NEDD4L: variants seen among roughly 807,000 people sequenced by gnomAD.
The protein encoded by NEDD4L is E3 ubiquitin-protein ligase NEDD4-like.
NEDD4L carries 54 observed loss-of-function variants against 148.9 expected under a neutral mutation model. The ratio of observed to expected loss-of-function variants is 0.36; its 90% CI spans 0.29 to 0.45. The LOEUF is 0.45. NEDD4L is among the 20% of genes least tolerant of loss of function. NEDD4L has a pLI of 1.00. For missense variants in NEDD4L, 856 were observed against 1,233.8 expected (o/e 0.69, Z 4.59); for synonymous variants, 433 against 440.7 (o/e 0.98, Z 0.22).
intron 2 of NEDD4L, among the ~76,000 whole-genome samples, chr18:58,199,316 G>T (rs2041124556): frequency 6.6e-6 from 1 of 152,104 alleles, no homozygotes; most frequent in Admixed American, 6.5e-5. Flanking sequence ...TCCCACAAGG[G>T]ACATTTGACA....
chr18:58,133,807 A>T (rs145210727), intron 1 of NEDD4L, among the ~76,000 whole-genome samples: 55 of 152,230 alleles, frequency 3.6e-4, no homozygotes, highest in African/African-American at 1.3e-3. Context: ...GGCTTGGCAA[A>T]TGGTAGATGC....
intron 2 of NEDD4L, among the ~76,000 whole-genome samples, chr18:58,173,473 A>G (rs1053827339): frequency 6.6e-6 from 1 of 152,218 alleles, no homozygotes; most frequent in Non-Finnish European, 1.5e-5. Context: ...TTTAAAACAC[A>G]CATGGGCTCA....
In NEDD4L at chr18:58,361,098, C is replaced by T. The variant is rs544573214; in HGVS notation, c.1768-3170C>T. Among the ~76,000 whole-genome samples the T allele has an allele frequency of 2.0e-5, 3 of 152,276 alleles. No individual in the cohort carries two copies. The South Asian group carries it at 6.2e-4, about 32-fold the overall frequency. The stretch of plus-strand genomic sequence containing the variant: ...TAAACAATGACTGTTCTTTCTCCAT[C>T]ATGTAGACCAAAGGCCAAGTTCTGT... On this transcript the variant is annotated intron_variant, in intron 19 of 30. Transcript: ENST00000400345.
At chr18:58,210,126 A>G (rs1164659659) in intron 2 of NEDD4L, among the ~76,000 whole-genome samples, 4 of 151,660 alleles carry the variant, frequency 2.6e-5, no homozygotes, top group Admixed American at 2.0e-4. Flanking sequence ...AGAGCACTCC[A>G]TTGCACTCCA....
At chr18:58,292,817 T>C (rs563236988) in intron 5 of NEDD4L, among the ~76,000 whole-genome samples, 5 of 152,236 alleles carry the variant, frequency 3.3e-5, no homozygotes, top group Non-Finnish European at 7.3e-5. Context: ...GTTGATATTC[T>C]GTGGATGCTT....
chr18:58,094,577 C>T (rs2084270663), intron 1 of NEDD4L, among the ~76,000 whole-genome samples: 1 of 151,352 alleles, frequency 6.6e-6, no homozygotes, highest in Admixed American at 6.7e-5. Context: ...GTGCTCTGGC[C>T]ATTTCCTGTG....
intron 18 of NEDD4L, among the ~76,000 whole-genome samples, chr18:58,356,621 C>T (rs2044698342): frequency 6.6e-6 from 1 of 152,236 alleles, no homozygotes; most frequent in Non-Finnish European, 1.5e-5. Context: ...GCTCTGTAAT[C>T]TTCCTCTGCT....
intron 1 of NEDD4L, among the ~76,000 whole-genome samples, chr18:58,128,810 G>A (rs2031586785): frequency 2.0e-5 from 3 of 152,250 alleles, no homozygotes; most frequent in Admixed American, 2.0e-4. Flanking sequence ...GTAGAGGGCA[G>A]TGGTGGTTTT....
intron 24 of NEDD4L, among the ~76,000 whole-genome samples, chr18:58,376,812 T>C (rs2047621807): frequency 6.6e-6 from 1 of 152,166 alleles, no homozygotes; most frequent in Non-Finnish European, 1.5e-5. Flanking sequence ...GTGGCCTGGC[T>C]CTCCCTGCTC....
At position 58,310,446 on chromosome 18, in the gene NEDD4L, G is replaced by A. The variant is rs915956052; in HGVS notation, c.298-5536G>A. Among the ~76,000 whole-genome samples, 4 of 152,366 alleles carry A rather than the reference G, an allele frequency of 2.6e-5. No individual in the cohort carries two copies. The East Asian group carries it at 5.8e-4, about 22-fold the overall frequency. On this transcript the variant is annotated intron_variant, in intron 5 of 30. Transcript: ENST00000400345. ...GCATATGAAGTGAATTTTGGTAGGA[G>A]TATGTGCATTCAGAGAATATGTCAT...
intron 22 of NEDD4L, 39 bp downstream of exon 22, chr18:58,367,906 G>C (rs2046327729): frequency 6.2e-7 from 1 of 1,610,766 alleles, no homozygotes; most frequent in South Asian, 1.1e-5. Flanking sequence ...AGTGCTGCTT[G>C]CGGTTTGCTA....
At chr18:58,074,322 C>T (rs2083049196) in intron 1 of NEDD4L, among the ~76,000 whole-genome samples, 1 of 150,910 alleles carries the variant, frequency 6.6e-6, no homozygotes, top group Non-Finnish European at 1.5e-5. Context: ...GCAGTGATGC[C>T]ATCTCGGCTC....
chr18:58,309,597 G>A (rs1398404873), intron 5 of NEDD4L, among the ~76,000 whole-genome samples: 2 of 151,768 alleles, frequency 1.3e-5, no homozygotes, highest in African/African-American at 2.4e-5. Flanking sequence ...AAGCACAACA[G>A]TGCTGCTCAC....
intron 1 of NEDD4L, among the ~76,000 whole-genome samples, chr18:58,097,319 C>A (rs1186008226): frequency 6.6e-6 from 1 of 152,172 alleles, no homozygotes. Flanking sequence ...GGCCATAGTT[C>A]GCAGTTGGCC....
chr18:58,051,026 G>A (rs2081843557), intron 1 of NEDD4L, among the ~76,000 whole-genome samples: 1 of 152,188 alleles, frequency 6.6e-6, no homozygotes, highest in Non-Finnish European at 1.5e-5. Flanking sequence ...GGGGGCCGAG[G>A]TGGACAGATT....
At chr18:58,304,798 G>A (rs1182413760) in intron 5 of NEDD4L, among the ~76,000 whole-genome samples, 1 of 152,206 alleles carries the variant, frequency 6.6e-6, no homozygotes, top group Non-Finnish European at 1.5e-5. Flanking sequence ...CTTGAAAGAG[G>A]GGATGGATGA....
chr18:58,070,172 G>A (rs192149037), intron 1 of NEDD4L, among the ~76,000 whole-genome samples: 2 of 152,334 alleles, frequency 1.3e-5, no homozygotes, highest in East Asian at 1.9e-4. Context: ...GAAAACAATC[G>A]GTGGTAGTTG....
At chr18:58,277,009 C>T (rs1288320180) in intron 5 of NEDD4L, among the ~76,000 whole-genome samples, 1 of 152,028 alleles carries the variant, frequency 6.6e-6, no homozygotes, top group African/African-American at 2.4e-5. Context: ...TTTTTTAGTG[C>T]CAGGCTCCGG....
intron 1 of NEDD4L, among the ~76,000 whole-genome samples, chr18:58,084,671 T>TGTGTGTGTGTG (rs1555686019): frequency 8.2e-5 from 11 of 133,824 alleles, no homozygotes; most frequent in East Asian, 2.3e-4. Flanking sequence ...TGTGGGGTTT[T>TGTGTGTGTGTG]TGTGTGTGTG....
Sources: gnomAD v4.1 joint callset for allele counts (sites outside exome capture counted in the v4.1 genomes callset) on GRCh38, gnomAD v4.1.1 for gene constraint, MANE v1.5 for transcripts, NCBI Gene and HGNC (gene_info 2026-07-23, HGNC 2026-07-21) for gene names.